SLC35D4: variants seen among roughly 807,000 people sequenced by gnomAD.
SLC35D4 encodes UDP-N-acetylglucosamine transporter SLC35D4.
the SLC35D4 span, among the ~76,000 whole-genome samples, chr18:23,292,991 G>A: frequency 2.0e-5 from 3 of 152,178 alleles, no homozygotes; most frequent in African/African-American, 4.8e-5. Flanking sequence ...TATAATCCCA[G>A]CACTTTGGGA....
At chr18:23,252,490 C>G in the SLC35D4 span, among the ~76,000 whole-genome samples, 5 of 152,178 alleles carry the variant, frequency 3.3e-5, no homozygotes, top group Non-Finnish European at 5.9e-5. Context: ...CAGAAAGCTG[C>G]GTGAAGTAGG....
chr18:23,297,894 G>T, the SLC35D4 span: 1 of 1,299,568 alleles, frequency 7.7e-7, no homozygotes, highest in Non-Finnish European at 1.1e-6. Context: ...CACTGTCCTT[G>T]CATTCCTCTT....
chr18:23,429,761 G>C, the SLC35D4 span, among the ~76,000 whole-genome samples: 19 of 152,300 alleles, frequency 1.2e-4, no homozygotes, highest in Middle Eastern at 0.01. Flanking sequence ...CTGATGATTA[G>C]TGATGTTAAG....
chr18:23,419,610 T>C, the SLC35D4 span, among the ~76,000 whole-genome samples: 1 of 152,092 alleles, frequency 6.6e-6, no homozygotes, highest in Admixed American at 6.6e-5. Context: ...TTTAAACATA[T>C]TTAAAAGGCT....
At chr18:23,321,312 C>A in the SLC35D4 span, among the ~76,000 whole-genome samples, 2 of 152,198 alleles carry the variant, frequency 1.3e-5, no homozygotes, top group African/African-American at 2.4e-5. Context: ...TCACAAGGTA[C>A]AACAGTCTAC....
the SLC35D4 span, among the ~76,000 whole-genome samples, chr18:23,410,219 G>A: frequency 6.6e-6 from 1 of 152,130 alleles, no homozygotes; most frequent in Non-Finnish European, 1.5e-5. Context: ...GGTGGCTCAG[G>A]CCTATAATCC....
At chr18:23,306,226 A>C in the SLC35D4 span, among the ~76,000 whole-genome samples, 2 of 151,884 alleles carry the variant, frequency 1.3e-5, no homozygotes, top group African/African-American at 4.8e-5. Context: ...CAAATGCAAA[A>C]AAAAAAAGAA....
the SLC35D4 span, among the ~76,000 whole-genome samples, chr18:23,340,833 C>T: frequency 2.0e-5 from 3 of 152,178 alleles, no homozygotes; most frequent in South Asian, 2.1e-4. Context: ...GAAGCTTCTC[C>T]GCCCCTTGCT....
At chr18:23,403,483 C>G in the SLC35D4 span, among the ~76,000 whole-genome samples, 1 of 152,166 alleles carries the variant, frequency 6.6e-6, no homozygotes, top group Non-Finnish European at 1.5e-5. Flanking sequence ...GACATAAACA[C>G]GGCATGTGCA....
chr18:23,300,699 A>G, the SLC35D4 span, among the ~76,000 whole-genome samples: 1 of 152,244 alleles, frequency 6.6e-6, no homozygotes, highest in East Asian at 1.9e-4. Flanking sequence ...CATTACAACT[A>G]TTTAAGTCAG....
the SLC35D4 span, among the ~76,000 whole-genome samples, chr18:23,255,476 A>G: frequency 1.3e-5 from 2 of 152,152 alleles, 1 homozygote; most frequent in African/African-American, 4.8e-5. Flanking sequence ...TACAGTAAAT[A>G]CATGAACCCA....
chr18:23,403,394 G>A, the SLC35D4 span, among the ~76,000 whole-genome samples: 421 of 152,302 alleles, frequency 2.8e-3, 4 homozygotes, highest in African/African-American at 9.5e-3. Context: ...CCCCATATAC[G>A]TGACGTTTGA....
the SLC35D4 span, chr18:23,399,752 C>A: frequency 9.3e-7 from 1 of 1,072,260 alleles, no homozygotes; most frequent in South Asian, 1.4e-5. Context: ...ACAACAGAGG[C>A]TGTCTAAAAA....
At chr18:23,364,957 G>A in the SLC35D4 span, among the ~76,000 whole-genome samples, 1 of 130,442 alleles carries the variant, frequency 7.7e-6, no homozygotes, top group Non-Finnish European at 1.6e-5. Context: ...CTGGAATTAT[G>A]AGAATTGGAT....
the SLC35D4 span, among the ~76,000 whole-genome samples, chr18:23,359,937 C>T: frequency 6.6e-6 from 1 of 152,174 alleles, no homozygotes; most frequent in Non-Finnish European, 1.5e-5. Context: ...CTGAGATTCT[C>T]GGAGCAAACT....
At chr18:23,374,573 C>T in the SLC35D4 span, among the ~76,000 whole-genome samples, 1 of 151,626 alleles carries the variant, frequency 6.6e-6, no homozygotes, top group African/African-American at 2.4e-5. Flanking sequence ...ATAACCTCCG[C>T]CTCCCGGGTT....
the SLC35D4 span, among the ~76,000 whole-genome samples, chr18:23,292,364 C>T: frequency 6.6e-6 from 1 of 152,208 alleles, no homozygotes; most frequent in African/African-American, 2.4e-5. Context: ...GAGAGCAGTG[C>T]CATTTCCCCA....
chr18:23,292,162 C>T, the SLC35D4 span, among the ~76,000 whole-genome samples: 3 of 152,208 alleles, frequency 2.0e-5, no homozygotes, highest in Non-Finnish European at 4.4e-5. Flanking sequence ...TGACTGTACT[C>T]CCTTTTTTGG....
At chr18:23,404,202 G>T in the SLC35D4 span, among the ~76,000 whole-genome samples, 1 of 152,170 alleles carries the variant, frequency 6.6e-6, no homozygotes, top group Non-Finnish European at 1.5e-5. Flanking sequence ...AGCCTTCTGT[G>T]GCTTGGAAAG....
Sources: gnomAD v4.1 joint callset for allele counts (sites outside exome capture counted in the v4.1 genomes callset) on GRCh38, gnomAD v4.1.1 for gene constraint, MANE v1.5 for transcripts, NCBI Gene and HGNC (gene_info 2026-07-23, HGNC 2026-07-21) for gene names.